CEBPZOS: variants seen among roughly 807,000 people sequenced by gnomAD.
The protein encoded by CEBPZOS is protein CEBPZOS.
In CEBPZOS, 10 loss-of-function variants were observed where a neutral mutation model predicts 4.8. That is an observed-to-expected ratio of 2.07 (90% CI 1.28 to 3.52). CEBPZOS has a LOEUF of 3.52. Among genes scored for constraint, CEBPZOS ranks in the 30% most tolerant of loss-of-function variants. The pLI, the probability that CEBPZOS is intolerant of heterozygous loss-of-function variation, is 0.00. For missense variants in CEBPZOS, 98 were observed against 43.6 expected, an observed-to-expected ratio of 2.25 and a Z score of -3.51; for synonymous variants, 25 against 14.2, an observed-to-expected ratio of 1.77 and a Z score of -1.72.
chr2:37,214,669 C>A (rs764951533), downstream of CEBPZOS, among the ~76,000 whole-genome samples: 3 of 152,082 alleles, frequency 2.0e-5, no homozygotes, highest in Admixed American at 6.6e-5. Flanking sequence ...TTAACAAACA[C>A]AGACATATCC....
intron 1 of CEBPZOS, among the ~76,000 whole-genome samples, chr2:37,197,517 C>T (rs1403446688): frequency 2.0e-5 from 3 of 152,186 alleles, no homozygotes; most frequent in African/African-American, 4.8e-5. Context: ...AATTTTACTT[C>T]GATTCCTTGA....
chr2:37,201,520 A>G (rs374260428), intron 3 of CEBPZOS, 122 bp from the exon 4 acceptor site: 7 of 607,550 alleles, frequency 1.2e-5, no homozygotes, highest in South Asian at 4.2e-5. Context: ...CTGTAATCCT[A>G]CTGTCCTCTT....
In CEBPZOS at chr2:37,201,053, A is replaced by C; in HGVS notation, c.121A>C (p.Arg41=). Residue 41 remains arginine (R), a synonymous_variant, in exon 3 of 5, where the codon AGG becomes CGG. Coordinates refer to ENST00000402297, the MANE Select transcript of CEBPZOS (RefSeq NM_001322374.2). The part of the protein sequence containing the change: ...FSKMHTSQDF[R]QTMSKKYPFI... ...GACATCCTTTTTTCCATCAGATTTC[A>C]GGCAAACAATGAGCAAGAAATATCC... is the stretch of plus-strand genomic sequence containing the variant. The C allele has an allele frequency of 2.8e-6, 2 of 716,286 alleles. No homozygotes were observed. 44.4% of individuals were successfully genotyped at this position (716,286 alleles called of 1,614,324 possible). A position where few individuals can be genotyped will look rare whatever the true frequency, so the allele number is the denominator to read the frequency against.
intron 4 of CEBPZOS, chr2:37,210,215 T>G (rs545571761): frequency 1.3e-5 from 2 of 152,196 alleles, no homozygotes; most frequent in Admixed American, 1.3e-4. Context: ...GTAAACAGTA[T>G]GGAGAGTCCT....
At chr2:37,212,187 ATGTC>A in intron 4 of CEBPZOS, 2 of 972,462 alleles carry the variant, frequency 2.1e-6, no homozygotes, top group South Asian at 3.2e-5. Flanking sequence ...TGCTTTATAA[ATGTC>A]AAAGATGAAA....
At chr2:37,201,349 C>G (rs534482065) in intron 3 of CEBPZOS, 2 of 499,608 alleles carry the variant, frequency 4.0e-6, no homozygotes, top group African/African-American at 3.9e-5. Flanking sequence ...ACAGTTTAAA[C>G]CTTTGGTTTT....
chr2:37,203,060 G>A lies in CEBPZOS; in HGVS notation c.*1200G>A, dbSNP rs1553348458. 2 of 1,236,928 alleles carry A rather than the reference G, an allele frequency of 1.6e-6. No individual in the cohort carries two copies. The highest frequency in any genetic ancestry group is 1.6e-5 in the South Asian group (1 of 63,324). The allele number at this position is 1,236,928 out of a possible 1,614,324, so 76.6% of individuals were successfully genotyped here. A position where few individuals can be genotyped will look rare whatever the true frequency, so the allele number is the denominator to read the frequency against. On this transcript the variant is annotated 3_prime_UTR_variant, in exon 5 of 5. Coordinates refer to ENST00000402297, the MANE Select transcript of CEBPZOS (RefSeq NM_001322374.2). ...TTCAATTATAAATCTAATGATTTTA[G>A]AAAAATGCAATGCAACATGATTTTA...
chr2:37,215,654 T>C (rs1558472916), downstream of CEBPZOS: 1 of 153,450 alleles, frequency 6.5e-6, no homozygotes, highest in African/African-American at 2.4e-5. Context: ...CTGCTTTGAA[T>C]ACAACAACAG....
downstream of CEBPZOS, among the ~76,000 whole-genome samples, chr2:37,205,564 C>A (rs1677508870): frequency 6.6e-6 from 1 of 152,208 alleles, no homozygotes. Context: ...CCCGCCTGCA[C>A]CCAGGTGAAA....
In CEBPZOS at chr2:37,201,838, T is replaced by C. The variant is rs529780926; in HGVS notation, c.*3-25T>C. 5 of 1,611,582 alleles carry C rather than the reference T, an allele frequency of 3.1e-6. No homozygotes were observed. In the East Asian group the frequency reaches 8.9e-5, roughly 29 times the overall value. ...TTAAAATGTTTCTTTTTCTTGATGATACTTTTTGCATCTCTGTTGTGTAGC... is the reference window on the plus strand; with the variant it reads ...TTAAAATGTTTCTTTTTCTTGATGACACTTTTTGCATCTCTGTTGTGTAGC... On this transcript the variant is annotated intron_variant, in intron 4 of 4. Coordinates refer to ENST00000402297, the MANE Select transcript of CEBPZOS (RefSeq NM_001322374.2).
At chr2:37,200,139 A>G (rs1677146490) in intron 2 of CEBPZOS, among the ~76,000 whole-genome samples, 2 of 152,178 alleles carry the variant, frequency 1.3e-5, no homozygotes, top group Non-Finnish European at 2.9e-5. Flanking sequence ...CCTGCCCATT[A>G]TACTTCATTG....
At chr2:37,210,516 C>G (rs1677686117) in intron 4 of CEBPZOS, 1 of 138,956 alleles carries the variant, frequency 7.2e-6, no homozygotes, top group South Asian at 2.2e-4. Flanking sequence ...CGAAGTAATT[C>G]AGGAATGGAA....
At chr2:37,211,024 A>G in intron 4 of CEBPZOS, 1 of 1,611,416 alleles carries the variant, frequency 6.2e-7, no homozygotes, top group Non-Finnish European at 8.5e-7. Flanking sequence ...CAAAGTCAAA[A>G]TCATCTGTAC....
chr2:37,214,851 A>C (rs372555878), downstream of CEBPZOS: 132 of 1,335,304 alleles, frequency 9.9e-5, 1 homozygote, highest in Non-Finnish European at 1.3e-4. Flanking sequence ...AAATTTTAGC[A>C]GTTTCCCCAA....
chr2:37,199,143 G>A (rs1373372150), intron 1 of CEBPZOS, among the ~76,000 whole-genome samples: 1 of 150,042 alleles, frequency 6.7e-6, no homozygotes, highest in Non-Finnish European at 1.5e-5. Flanking sequence ...AGTATATGTT[G>A]TATTAATAGT....
At chr2:37,214,987 T>C (rs1558472582), downstream of CEBPZOS, 3 of 1,315,638 alleles carry the variant, frequency 2.3e-6, no homozygotes, top group South Asian at 1.2e-5. Flanking sequence ...TAACTTCATA[T>C]AGCAATCCCC....
chr2:37,211,983 T>C, intron 4 of CEBPZOS: 1 of 1,612,562 alleles, frequency 6.2e-7, no homozygotes, highest in Non-Finnish European at 8.5e-7. Context: ...ATCACTACCT[T>C]CTGAATCTTC....
chr2:37,212,267 A>C, intron 4 of CEBPZOS: 5 of 1,375,612 alleles, frequency 3.6e-6, no homozygotes, highest in Non-Finnish European at 5.2e-6. Context: ...TCTGTGGTCT[A>C]CTGTTCTGAG....
intron 2 of CEBPZOS, among the ~76,000 whole-genome samples, chr2:37,200,032 A>G (rs898298213): frequency 6.6e-6 from 1 of 152,168 alleles, no homozygotes; most frequent in Non-Finnish European, 1.5e-5. Context: ...TGGGCTAAGG[A>G]AAAAATTTCA....
Sources: gnomAD v4.1 joint callset for allele counts (sites outside exome capture counted in the v4.1 genomes callset) on GRCh38, gnomAD v4.1.1 for gene constraint, MANE v1.5 for transcripts, NCBI Gene and HGNC (gene_info 2026-07-23, HGNC 2026-07-21) for gene names.